SIPA1L1: variants seen among roughly 807,000 people sequenced by gnomAD.
SIPA1L1 encodes signal-induced proliferation-associated 1-like protein 1.
Under a neutral mutation model 162.7 loss-of-function variants are expected in SIPA1L1, and 26 were observed. The observed-to-expected ratio is 0.16, with a 90% CI of 0.12 to 0.22. SIPA1L1 has a LOEUF of 0.22. Ranked by LOEUF, SIPA1L1 falls within the 10% of genes least tolerant of loss-of-function variation. SIPA1L1 has a pLI of 1.00. For missense variants in SIPA1L1, 1,874 were observed against 2,241.0 expected, an observed-to-expected ratio of 0.84 and a Z score of 3.31; for synonymous variants, 829 against 837.4, an observed-to-expected ratio of 0.99 and a Z score of 0.17.
intron 7 of SIPA1L1, among the ~76,000 whole-genome samples, chr14:71,629,873 G>A (rs547926967): frequency 1.3e-5 from 2 of 152,324 alleles, no homozygotes; most frequent in East Asian, 3.9e-4. Context: ...AATGAGCAAT[G>A]TTTATGTGGT....
intron 3 of SIPA1L1, among the ~76,000 whole-genome samples, chr14:71,527,596 G>A (rs544109368): frequency 2.0e-5 from 3 of 152,004 alleles, no homozygotes; most frequent in African/African-American, 7.2e-5. Context: ...CTGTTTTGAG[G>A]CGTCCACTTT....
intron 7 of SIPA1L1, among the ~76,000 whole-genome samples, chr14:71,626,403 A>G (rs1445851111): frequency 6.6e-6 from 1 of 152,168 alleles, no homozygotes; most frequent in African/African-American, 2.4e-5. Flanking sequence ...TTTTATCTCC[A>G]TACATACAGC....
intron 2 of SIPA1L1, among the ~76,000 whole-genome samples, chr14:71,367,728 TC>T (rs2038470997): frequency 6.7e-6 from 1 of 150,192 alleles, no homozygotes; most frequent in African/African-American, 2.5e-5. Flanking sequence ...TGCCTCAGCC[TC>T]CTGAGTAGCT....
intron 5 of SIPA1L1, among the ~76,000 whole-genome samples, chr14:71,591,374 T>C (rs1357297874): frequency 6.6e-6 from 1 of 152,172 alleles, no homozygotes; most frequent in African/African-American, 2.4e-5. Flanking sequence ...AACAGAGTCA[T>C]GTTCTTAATC....
chr14:71,439,214 C>T (rs1176223619), intron 2 of SIPA1L1, among the ~76,000 whole-genome samples: 2 of 152,072 alleles, frequency 1.3e-5, no homozygotes, highest in African/African-American at 2.4e-5. Flanking sequence ...AAAATTAAAC[C>T]CAAGCCTCTT....
intron 2 of SIPA1L1, among the ~76,000 whole-genome samples, chr14:71,426,383 A>AT (rs371986964): frequency 0.14 from 19,864 of 144,222 alleles, 1,397 homozygotes; most frequent in African/African-American, 0.15. Flanking sequence ...AACCTTTAAA[A>AT]TTTTTTTTTT....
intron 5 of SIPA1L1, among the ~76,000 whole-genome samples, chr14:71,595,502 T>C (rs2035929416): frequency 1.3e-5 from 2 of 152,242 alleles, no homozygotes; most frequent in Admixed American, 1.3e-4. Context: ...CTGCTTCCAC[T>C]TTCATCTTTT....
chr14:71,667,835 G>T (rs1331209313), intron 10 of SIPA1L1, among the ~76,000 whole-genome samples: 1 of 152,182 alleles, frequency 6.6e-6, no homozygotes, highest in Non-Finnish European at 1.5e-5. Flanking sequence ...GAAGGCTGAG[G>T]CAGGCGGATC....
chr14:71,538,034 A>AG (rs539372378), intron 4 of SIPA1L1, among the ~76,000 whole-genome samples: 1 of 152,160 alleles, frequency 6.6e-6, no homozygotes, highest in Admixed American at 6.5e-5. Flanking sequence ...TGTTAACTGC[A>AG]GGGGGAAAAA....
chr14:71,523,415 G>A (rs2052555444), intron 3 of SIPA1L1, among the ~76,000 whole-genome samples: 1 of 151,078 alleles, frequency 6.6e-6, no homozygotes, highest in African/African-American at 2.4e-5. Flanking sequence ...GATATGTCAA[G>A]CAACTTCCAT....
chr14:71,409,044 G>A (rs2042223469), intron 2 of SIPA1L1, among the ~76,000 whole-genome samples: 1 of 152,142 alleles, frequency 6.6e-6, no homozygotes, highest in Non-Finnish European at 1.5e-5. Context: ...GTGTTCCCCC[G>A]TGATCCCCTC....
intron 4 of SIPA1L1, among the ~76,000 whole-genome samples, chr14:71,570,157 C>T (rs181570657): frequency 2.0e-4 from 30 of 152,196 alleles, no homozygotes; most frequent in Non-Finnish European, 3.5e-4. Context: ...TAGATCTCTA[C>T]TTAGTCCCTT....
chr14:71,445,618 T>C (rs963080326), intron 2 of SIPA1L1, among the ~76,000 whole-genome samples: 7 of 152,218 alleles, frequency 4.6e-5, no homozygotes, highest in Non-Finnish European at 8.8e-5. Flanking sequence ...GCATTTGATA[T>C]TAATATTACA....
At chr14:71,684,504 C>T (rs560259871) in intron 12 of SIPA1L1, among the ~76,000 whole-genome samples, 29 of 152,280 alleles carry the variant, frequency 1.9e-4, no homozygotes, top group Non-Finnish European at 4.1e-4. Flanking sequence ...GGCTACACAG[C>T]ACTTGTGATG....
In SIPA1L1 at chr14:71,608,972, A is replaced by G. The variant is rs555996698; in HGVS notation, c.1499-9785A>G. Among the ~76,000 whole-genome samples the G allele has an allele frequency of 2.0e-5, 3 of 152,320 alleles. No individual in the cohort carries two copies. In the East Asian group the frequency reaches 5.8e-4, roughly 29 times the overall value. On this transcript the variant is annotated intron_variant, in intron 5 of 23. Transcript: ENST00000381232. ...ATGTATATCATTATAGAAAAAATAG[A>G]AACTATAGAAAATAAATTTTTGGGA...
intron 2 of SIPA1L1, among the ~76,000 whole-genome samples, chr14:71,332,633 C>T (rs189820610): frequency 1.3e-5 from 2 of 152,274 alleles, no homozygotes; most frequent in African/African-American, 4.8e-5. Context: ...GTTTCTTCTA[C>T]TCCCACACCC....
chr14:71,555,885 G>A (rs973551330), intron 4 of SIPA1L1, among the ~76,000 whole-genome samples: 1 of 152,142 alleles, frequency 6.6e-6, no homozygotes, highest in African/African-American at 2.4e-5. Context: ...ATTGATTGCC[G>A]TCTTCTGTGA....
intron 7 of SIPA1L1, among the ~76,000 whole-genome samples, chr14:71,625,957 T>C (rs1224385330): frequency 1.3e-5 from 2 of 152,196 alleles, no homozygotes; most frequent in East Asian, 3.9e-4. Context: ...TGATGCCAAG[T>C]GCTGGATCAC....
At chr14:71,724,014 G>A in intron 18 of SIPA1L1, 128 bp downstream of exon 18, 1 of 1,013,676 alleles carries the variant, frequency 9.9e-7, no homozygotes, top group Non-Finnish European at 1.4e-6. Flanking sequence ...GTCTGTTGGT[G>A]GGATTATGAT....
Sources: allele counts gnomAD v4.1 joint callset (sites outside exome capture counted in the v4.1 genomes callset), GRCh38; gene constraint gnomAD v4.1.1; transcripts MANE v1.5; gene names NCBI Gene and HGNC (gene_info 2026-07-23, HGNC 2026-07-21).